The following PDE4B variants were observed in gnomAD, a reference collection of about 807,000 sequenced individuals.
The protein encoded by PDE4B is 3',5'-cyclic-AMP phosphodiesterase 4B.
PDE4B carries 20 observed loss-of-function variants against 82.2 expected under a neutral mutation model. The ratio of observed to expected loss-of-function variants is 0.24; its 90% CI spans 0.17 to 0.35. The LOEUF is 0.35. Ranked by LOEUF, PDE4B falls within the 10% of genes least tolerant of loss-of-function variation. PDE4B has a pLI of 1.00. For synonymous variants in PDE4B, 320 were observed against 318.9 expected (o/e 1.00, Z -0.04); for missense variants, 655 against 907.2 (o/e 0.72, Z 3.57).
At chr1:66,198,472 G>T (rs911371269) in intron 3 of PDE4B, among the ~76,000 whole-genome samples, 1 of 152,034 alleles carries the variant, frequency 6.6e-6, no homozygotes, top group African/African-American at 2.4e-5. Flanking sequence ...GCAAAAAGTG[G>T]CATTTATTTT....
chr1:66,325,199 A>G lies in PDE4B; in HGVS notation c.635-7309A>G, dbSNP rs1048874155. 3.3e-5 allele frequency among the ~76,000 whole-genome samples: 5 copies of G among 152,362 alleles called. No homozygotes were observed. In the East Asian group the frequency reaches 9.6e-4, roughly 29 times the overall value. Reference sequence around the variant, plus strand: ...GGAGCAACCCAAACGTAAGACATCTACAGGGCTAGAAGCTTGTGAATGAAG... The same window carrying G: ...GGAGCAACCCAAACGTAAGACATCTGCAGGGCTAGAAGCTTGTGAATGAAG... On this transcript the variant is annotated intron_variant, in intron 7 of 16. Coordinates refer to ENST00000341517, the MANE Select transcript of PDE4B (RefSeq NM_002600.4).
intron 1 of PDE4B, among the ~76,000 whole-genome samples, chr1:65,891,415 TA>T (rs1449280890): frequency 6.6e-6 from 1 of 152,104 alleles, no homozygotes; most frequent in Non-Finnish European, 1.5e-5. Flanking sequence ...GTAGTTCAAC[TA>T]GTACTTTTTA....
intron 1 of PDE4B, among the ~76,000 whole-genome samples, chr1:65,902,487 A>C (rs1569619300): frequency 6.6e-6 from 1 of 152,242 alleles, no homozygotes; most frequent in East Asian, 1.9e-4. Flanking sequence ...GTTCAGATTT[A>C]CTTTCTTGAT....
intron 3 of PDE4B, among the ~76,000 whole-genome samples, chr1:65,924,884 G>A (rs1647415797): frequency 6.6e-6 from 1 of 152,236 alleles, no homozygotes; most frequent in Non-Finnish European, 1.5e-5. Context: ...GACCAATAGA[G>A]ACTGAGCAAG....
chr1:66,090,649 A>G (rs1182184918), intron 3 of PDE4B, among the ~76,000 whole-genome samples: 4 of 50,964 alleles, frequency 7.8e-5, no homozygotes, highest in African/African-American at 3.1e-4. Context: ...GTATGTACGT[A>G]TATATATGTA....
chr1:66,320,352 G>T (rs1659311020), intron 7 of PDE4B, among the ~76,000 whole-genome samples: 1 of 152,164 alleles, frequency 6.6e-6, no homozygotes, highest in Non-Finnish European at 1.5e-5. Flanking sequence ...ATCTGCAAGT[G>T]ATTTTGCAGA....
intron 3 of PDE4B, among the ~76,000 whole-genome samples, chr1:66,244,157 A>T (rs1653112704): frequency 6.6e-6 from 1 of 152,258 alleles, no homozygotes; most frequent in Admixed American, 6.5e-5. Context: ...TGAATGAAGC[A>T]GCTCATGGAA....
intron 3 of PDE4B, among the ~76,000 whole-genome samples, chr1:65,997,967 T>C (rs940638725): frequency 1.3e-5 from 2 of 152,146 alleles, no homozygotes; most frequent in African/African-American, 2.4e-5. Context: ...GACAAATGAA[T>C]AGGAGTTTTC....
At chr1:66,318,629 A>G (rs1335249402) in intron 7 of PDE4B, among the ~76,000 whole-genome samples, 2 of 152,244 alleles carry the variant, frequency 1.3e-5, no homozygotes, top group Non-Finnish European at 2.9e-5. Flanking sequence ...GTGCTTCCCA[A>G]TAGAAATATA....
chr1:66,221,878 G>T (rs762700916), intron 3 of PDE4B, among the ~76,000 whole-genome samples: 3 of 133,090 alleles, frequency 2.3e-5, no homozygotes, highest in Non-Finnish European at 4.8e-5. Context: ...ATGAACTTCA[G>T]GTACTGAGTG....
intron 3 of PDE4B, among the ~76,000 whole-genome samples, chr1:65,934,020 C>A (rs997823437): frequency 2.0e-5 from 3 of 152,012 alleles, no homozygotes; most frequent in African/African-American, 2.4e-5. Flanking sequence ...AAGTTGTTAT[C>A]AGTTTAATAT....
intron 8 of PDE4B, chr1:66,354,742 A>G (rs1238738028): frequency 6.8e-7 from 1 of 1,470,460 alleles, no homozygotes; most frequent in Non-Finnish European, 9.0e-7. Flanking sequence ...TGATTATTTT[A>G]TCACTGAATC....
At position 65,848,362 on chromosome 1, in the gene PDE4B, T is replaced by G. The variant is rs147050276; in HGVS notation, c.-71+55114T>G. On this transcript the variant is annotated intron_variant, in intron 1 of 16. Transcript: ENST00000341517. ...GATTTCACCATGTTGGCCAGGATGGTCTCGATCTCTTGACCTCATGATCTG... is the reference window on the plus strand; with the variant it reads ...GATTTCACCATGTTGGCCAGGATGGGCTCGATCTCTTGACCTCATGATCTG... Among the ~76,000 whole-genome samples the G allele has an allele frequency of 1.2e-4, 19 of 152,268 alleles. No homozygotes were observed. In the East Asian group the frequency reaches 2.7e-3, roughly 22 times the overall value.
At chr1:66,304,582 A>G (rs1181962973) in intron 7 of PDE4B, among the ~76,000 whole-genome samples, 8 of 152,096 alleles carry the variant, frequency 5.3e-5, no homozygotes, top group Admixed American at 4.6e-4. Flanking sequence ...AATGCTTTCT[A>G]CTTAGTCCAA....
intron 1 of PDE4B, among the ~76,000 whole-genome samples, chr1:65,844,727 A>G (rs1445099492): frequency 2.0e-5 from 3 of 151,570 alleles, no homozygotes; most frequent in East Asian, 1.9e-4. Flanking sequence ...AACAGCAACT[A>G]AAAAAAGAGA....
intron 1 of PDE4B, among the ~76,000 whole-genome samples, chr1:65,884,968 A>G (rs1397703682): frequency 6.6e-6 from 1 of 152,226 alleles, no homozygotes; most frequent in African/African-American, 2.4e-5. Flanking sequence ...TCATCTAATA[A>G]AGGGCTAATA....
intron 3 of PDE4B, among the ~76,000 whole-genome samples, chr1:65,963,264 C>T (rs1000001548): frequency 1.3e-5 from 2 of 152,134 alleles, no homozygotes; most frequent in East Asian, 1.9e-4. Context: ...AACAGTAGTG[C>T]GTTTGGCCCT....
rs2050839266 is a variant in PDE4B, at chr1:66,373,004, C to G, written c.*326C>G. The G allele has an allele frequency of 8.0e-6, 2 of 249,666 alleles. No individual in the cohort carries two copies. The highest frequency in any genetic ancestry group is 1.6e-5 in the Non-Finnish European group (2 of 127,896). The allele number at this position is 249,666 out of a possible 1,614,324, so 15.5% of individuals were successfully genotyped here. On this transcript the variant is annotated 3_prime_UTR_variant, in exon 17 of 17. Coordinates refer to ENST00000341517, the MANE Select transcript of PDE4B (RefSeq NM_002600.4). Reference sequence around the variant, plus strand: ...CTAAGTTTCGGGAACTTATCCCCGACAGTGACTGAACTCACTGACTAATAA... The same window carrying G: ...CTAAGTTTCGGGAACTTATCCCCGAGAGTGACTGAACTCACTGACTAATAA...
chr1:65,920,232 C>A (rs531449490), intron 3 of PDE4B, among the ~76,000 whole-genome samples: 1 of 152,232 alleles, frequency 6.6e-6, no homozygotes, highest in Non-Finnish European at 1.5e-5. Flanking sequence ...GCTTTCATAC[C>A]AGTTGGTAAA....
Sources: gnomAD v4.1 joint callset for allele counts (sites outside exome capture counted in the v4.1 genomes callset) on GRCh38, gnomAD v4.1.1 for gene constraint, MANE v1.5 for transcripts, NCBI Gene and HGNC (gene_info 2026-07-23, HGNC 2026-07-21) for gene names.